SLIT1: variants seen among roughly 807,000 people sequenced by gnomAD.
The protein encoded by SLIT1 is slit guidance ligand 1, also known as slit homolog 1 protein.
Under a neutral mutation model 186.1 loss-of-function variants are expected in SLIT1, and 66 were observed. The ratio of observed to expected loss-of-function variants is 0.35; its 90% CI spans 0.29 to 0.44. The LOEUF is 0.44. Among genes scored for constraint, SLIT1 ranks in the 20% least tolerant of loss-of-function variants. The pLI, the probability that SLIT1 is intolerant of heterozygous loss-of-function variation, is 1.00. For missense variants in SLIT1, 1,638 were observed against 2,037.4 expected, an observed-to-expected ratio of 0.80 and a Z score of 3.77; for synonymous variants, 761 against 833.8, an observed-to-expected ratio of 0.91 and a Z score of 1.50.
At position 97,088,728 on chromosome 10, in the gene SLIT1, A is replaced by G. The variant is rs1212984132; in HGVS notation, c.414-22642T>C. 3.3e-5 allele frequency among the ~76,000 whole-genome samples: 5 copies of G among 152,186 alleles called. No homozygotes were observed. In the East Asian group the frequency reaches 7.7e-4, roughly 23 times the overall value. ...TTTTGGTAGGAAAGAAAACAAAAGA[A>G]AGGGGAGTGAGTGAGGGGAGCACCT... On this transcript the variant is annotated intron_variant, in intron 4 of 36. Transcript: ENST00000266058.
At chr10:97,172,591 C>A (rs1370172704) in intron 1 of SLIT1, among the ~76,000 whole-genome samples, 1 of 152,158 alleles carries the variant, frequency 6.6e-6, no homozygotes, top group Admixed American at 6.5e-5. Flanking sequence ...TGTTTCCCTA[C>A]TCCGAAAATA....
In SLIT1 at chr10:97,164,882, T is replaced by C. The variant is rs777815808; in HGVS notation, c.206A>G (p.Asn69Ser). The C allele has an allele frequency of 2.4e-5, 39 of 1,612,610 alleles. No homozygotes were observed. Among genetic ancestry groups the C allele is most frequent in the Admixed American group, 5.0e-5 (3 of 59,980 alleles). ...IPRNTERLELNGNNITRIHKN... is the reference protein window; with the variant it reads ...IPRNTERLELSGNNITRIHKN... ...ATGGATCCGAGTGATGTTGTTGCCA[T>C]TGAGTTCCCTGGAGGAAGAAGGAGA... The change falls in exon 2 of 37, where the codon AAT becomes AGT. Residue 69 changes from asparagine (N) to serine (S), a missense_variant. Physicochemically the swap from Asn to Ser is conservative, Grantham distance 46. Coordinates refer to ENST00000266058, the MANE Select transcript of SLIT1 (RefSeq NM_003061.3).
chr10:97,014,278 G>T, intron 28 of SLIT1, 120 bp from the exon 29 acceptor site: 2 of 1,155,560 alleles, frequency 1.7e-6, no homozygotes, highest in East Asian at 2.4e-5. Context: ...CCAGGCCCTT[G>T]CCAGGTGCTG....
chr10:97,093,576 A>C (rs112667321), intron 4 of SLIT1, among the ~76,000 whole-genome samples: 1 of 152,350 alleles, frequency 6.6e-6, no homozygotes, highest in Non-Finnish European at 1.5e-5. Context: ...TGAGGATGGA[A>C]GATAAAGCTT....
chr10:97,047,621 TG>T, intron 16 of SLIT1, 68 bp downstream of exon 16: 1 of 1,482,046 alleles, frequency 6.7e-7, no homozygotes, highest in Non-Finnish European at 9.3e-7. Flanking sequence ...AAGAAAATCC[TG>T]GAGTAGGCCA....
rs755575962 is a variant in SLIT1 at position 97,014,177 on chromosome 10, G to A, written c.2970-19C>T. On this transcript the variant is annotated intron_variant, in intron 28 of 36. Coordinates refer to ENST00000266058, the MANE Select transcript of SLIT1 (RefSeq NM_003061.3). The stretch of plus-strand genomic sequence containing the variant: ...GGAGCACCTGTGCGGGGAAGGGGAG[G>A]ATGGAGAGACAGCCCTCTTGGAACA... 2 of 1,612,028 alleles carry A rather than the reference G, an allele frequency of 1.2e-6. No individual in the cohort carries two copies. The highest frequency in any genetic ancestry group is 4.5e-5 in the East Asian group (2 of 44,882).
chr10:97,146,568 A>ACCCCCCCCCCC (rs1375594901), intron 4 of SLIT1, among the ~76,000 whole-genome samples: 1 of 149,910 alleles, frequency 6.7e-6, no homozygotes, highest in East Asian at 2.0e-4. Flanking sequence ...AGCCCCCCCC[A>ACCCCCCCCCCC]CTGAACACCT....
chr10:97,181,282 A>G (rs1419366300), intron 1 of SLIT1, among the ~76,000 whole-genome samples: 6 of 152,224 alleles, frequency 3.9e-5, no homozygotes. Flanking sequence ...CTCAGATCCA[A>G]TCGGGCCCTG....
At chr10:97,162,070 G>A (rs1850035031) in intron 3 of SLIT1, among the ~76,000 whole-genome samples, 1 of 152,096 alleles carries the variant, frequency 6.6e-6, no homozygotes, top group African/African-American at 2.4e-5. Context: ...AAAACACAAA[G>A]AATAAAAATA....
chr10:97,064,025 C>T (rs369905639), intron 7 of SLIT1, 143 bp downstream of exon 7: 2 of 688,894 alleles, frequency 2.9e-6, no homozygotes, highest in Admixed American at 2.4e-5. Context: ...GAGCATGAAG[C>T]CCCCAGCCTG....
intron 4 of SLIT1, among the ~76,000 whole-genome samples, chr10:97,088,307 C>G (rs530575323): frequency 6.6e-6 from 1 of 152,316 alleles, no homozygotes; most frequent in African/African-American, 2.4e-5. Context: ...ATGGTGCCAC[C>G]TCTTTCTCCA....
Position 97,059,491 on chromosome 10 carries a change from C to T in SLIT1, c.1054G>A (p.Ala352Thr), listed in dbSNP as rs778164988. 2.7e-5 allele frequency: 43 copies of T among 1,613,698 alleles called. No homozygotes were observed. Among genetic ancestry groups the T allele is most frequent in the Admixed American group, 1.2e-4 (7 of 60,006 alleles). The change falls in exon 11 of 37, where the codon GCC (alanine) becomes ACC (threonine). Residue 352 changes from alanine (A) to threonine (T), a missense_variant. This residue lies in a region of SLIT1 where 1,245 missense variants were observed against 1,535.3 expected (regional missense o/e 0.81). Coordinates refer to ENST00000266058, the MANE Select transcript of SLIT1 (RefSeq NM_003061.3). The stretch of plus-strand genomic sequence containing the variant: ...TTCAGGGAGCGGAGGCCCTGGAAGG[C>T]GTCGGGTGCAATCTCAGCGATCTGA... ...NNQIAEIAPD[A>T]FQGLRSLNSL... is the part of the protein sequence containing the mutation.
Position 97,065,997 on chromosome 10 carries a change from T to C in SLIT1, c.485+18A>G. ...CCTGGAGCCCCCACACCCTTCTCCC[T>C]CCCAGGCCTGTACTCACAAATTTTT... On this transcript the variant is annotated intron_variant, in intron 5 of 36. Transcript: ENST00000266058. 3.2e-6 allele frequency: 5 copies of C among 1,584,616 alleles called. 1 individual carries two copies. The South Asian group carries it at 5.7e-5, about 18-fold the overall frequency.
At chr10:97,056,571 A>G (rs1316447063) in intron 12 of SLIT1, 107 bp from the exon 13 acceptor site, 7 of 1,213,812 alleles carry the variant, frequency 5.8e-6, no homozygotes, top group Non-Finnish European at 8.2e-6. Context: ...TACAGGGAGG[A>G]GCCCATCGGA....
rs1848836544 is a variant in SLIT1 at position 97,056,386 on chromosome 10, C to T, written c.1236G>A (p.Leu412=). The T allele has an allele frequency of 5.0e-6, 8 of 1,614,178 alleles. No individual in the cohort carries two copies. The highest frequency in any genetic ancestry group is 2.2e-5 in the East Asian group (1 of 44,882). The change falls in exon 13 of 37, where the codon CTG becomes CTA. Residue 412 remains leucine (L), a synonymous_variant. Transcript: ENST00000266058. ...QDLQNLSLLS[L]YDNKIQSLAK... Reference sequence around the variant, plus strand: ...CGAGGCTCTGGATCTTGTTGTCATACAGGGAGAGCAGTGAGAGGTTCTGCA... The same window carrying T: ...CGAGGCTCTGGATCTTGTTGTCATATAGGGAGAGCAGTGAGAGGTTCTGCA...
At chr10:97,165,516 C>A (rs1054389625) in intron 1 of SLIT1, among the ~76,000 whole-genome samples, 1 of 152,156 alleles carries the variant, frequency 6.6e-6, no homozygotes, top group African/African-American at 2.4e-5. Flanking sequence ...GGGGAGGGAG[C>A]AGACGTGCCC....
At chr10:97,165,673 G>A (rs1452043388) in intron 1 of SLIT1, among the ~76,000 whole-genome samples, 3 of 152,240 alleles carry the variant, frequency 2.0e-5, no homozygotes, top group Admixed American at 6.5e-5. Context: ...AGGAGAAACC[G>A]AGGGCCAGCG....
intron 25 of SLIT1, among the ~76,000 whole-genome samples, chr10:97,026,729 ATGGC>A (rs1222348035): frequency 1.3e-5 from 2 of 152,194 alleles, no homozygotes; most frequent in Admixed American, 6.5e-5. Flanking sequence ...ATATTTGCTG[ATGGC>A]TGGCTGGCTG....
At chr10:97,141,671 T>TGTATTGTATTGTATCGTATCGTATC (rs1317197275) in intron 4 of SLIT1, among the ~76,000 whole-genome samples, 11 of 134,980 alleles carry the variant, frequency 8.1e-5, no homozygotes, top group Admixed American at 4.3e-4. Flanking sequence ...TGCATTGCAT[T>TGTATTGTATTGTATCGTATCGTATC]GTATCGTATT....
Sources: gnomAD v4.1 joint callset for allele counts (sites outside exome capture counted in the v4.1 genomes callset) on GRCh38, gnomAD v4.1.1 for gene constraint, gnomAD v4.1.1 regional missense constraint, MANE v1.5 for transcripts, NCBI Gene and HGNC (gene_info 2026-07-23, HGNC 2026-07-21) for gene names.